Variants in FER1L5 observed in about 807,000 individuals in gnomAD.
FER1L5 encodes the protein fer-1 like family member 5, also known as fer-1-like protein 5.
A neutral mutation model predicts 279.9 loss-of-function variants in FER1L5; 187 were observed. The observed-to-expected ratio is 0.67, with a 90% CI of 0.59 to 0.75. The LOEUF is 0.75. Among genes scored for constraint, FER1L5 ranks in the 30% least tolerant of loss-of-function variants. The probability of loss-of-function intolerance (pLI) is 0.00; values close to 1 mark genes in which losing one functional copy is unlikely to be tolerated. For synonymous variants in FER1L5, 921 were observed against 989.7 expected (o/e 0.93, Z 1.30); for missense variants, 2,091 against 2,594.4 (o/e 0.81, Z 4.21).
At chr2:96,659,288 G>GCCTGC (rs879846869) in intron 9 of FER1L5, among the ~76,000 whole-genome samples, 3 of 100,186 alleles carry the variant, frequency 3.0e-5, no homozygotes, top group African/African-American at 1.3e-4. Flanking sequence ...AATTTATCAA[G>GCCTGC]CTTTCCTTCC....
intron 18 of FER1L5, among the ~76,000 whole-genome samples, chr2:96,671,577 T>C (rs2076331491): frequency 6.6e-6 from 1 of 152,220 alleles, no homozygotes; most frequent in African/African-American, 2.4e-5. Flanking sequence ...GACATCCACA[T>C]AGACCAGCTC....
In FER1L5 at chr2:96,687,827, T is replaced by G. The variant is rs1402415902; in HGVS notation, c.2241T>G (p.Gly747=). 1 of 1,550,538 alleles carries G rather than the reference T, an allele frequency of 6.4e-7. No homozygotes were observed. Among genetic ancestry groups the G allele is most frequent in the East Asian group, 2.4e-5 (1 of 40,870 alleles). The change falls in exon 24 of 53, where the codon GGT becomes GGG. Residue 747 remains glycine, a synonymous_variant. Transcript: ENST00000624922. ...GGCCTCTGGCTCAGTACCCAGAGGG[T>G]GAAGGACAGAAGGATGTGCTCCCAG... ...IQTLFLQYPE[G]EGQKDVLPAH... is the part of the protein sequence containing the mutation.
intron 4 of FER1L5, among the ~76,000 whole-genome samples, chr2:96,648,976 G>A (rs1359397275): frequency 6.7e-6 from 1 of 150,166 alleles, no homozygotes; most frequent in Non-Finnish European, 1.5e-5. Context: ...CCAGGCAGGG[G>A]CATAAAGTGG....
chr2:96,669,271 T>C (rs1481469873), intron 17 of FER1L5, 134 bp downstream of exon 17: 29 of 821,080 alleles, frequency 3.5e-5, no homozygotes, highest in Non-Finnish European at 5.2e-5. Context: ...ACGTGAAGCC[T>C]GTCCATGAGC....
rs909657551 is a variant in FER1L5 at position 96,693,447 on chromosome 2, G to A, written c.3293-59G>A. 2.0e-6 allele frequency: 3 copies of A among 1,472,584 alleles called. No individual in the cohort carries two copies. The African/African-American group carries it at 4.2e-5, about 21-fold the overall frequency. The allele number at this position is 1,472,584 out of a possible 1,614,324, so 91.2% of individuals were successfully genotyped here. A position where few individuals can be genotyped will look rare whatever the true frequency, so the allele number is the denominator to read the frequency against. On this transcript the variant is annotated intron_variant, in intron 31 of 52. Transcript: ENST00000624922. ...GGGTCCAGTGGCTGCAGCAGCAGAG[G>A]AGAGGAAAGCCCCTCTTCCCAGCTC...
chr2:96,695,227 C>A, intron 34 of FER1L5: 1 of 394,508 alleles, frequency 2.5e-6, no homozygotes, highest in East Asian at 4.7e-5. Flanking sequence ...GCAATGCCTG[C>A]GGGCTATGGA....
chr2:96,683,498 GC>G (rs1445870682), intron 19 of FER1L5, among the ~76,000 whole-genome samples: 1 of 151,130 alleles, frequency 6.6e-6, no homozygotes, highest in African/African-American at 2.4e-5. Context: ...CATCTGCAAA[GC>G]CCCCACCCCC....
Position 96,702,860 on chromosome 2 carries a change from C to T in FER1L5, c.5398-118C>T. ...TGTCCCAGAACATCAGAAACATGTC[C>T]TCAGGTGGAAACCCTCTTCCTTGAT... On this transcript the variant is annotated intron_variant, in intron 48 of 52. Transcript: ENST00000624922. This position sits in a 1 kb window ranked among gnomAD's most constrained non-coding sequence, Gnocchi z 4.0. 6.5e-7 allele frequency: 1 copy of T among 1,531,998 alleles called. No homozygotes were observed. The highest frequency in any genetic ancestry group is 8.8e-7 in the Non-Finnish European group (1 of 1,133,440). The allele number at this position is 1,531,998 out of a possible 1,614,324, so 94.9% of individuals were successfully genotyped here. A position where few individuals can be genotyped will look rare whatever the true frequency, so the allele number is the denominator to read the frequency against.
At position 96,689,301 on chromosome 2, in the gene FER1L5, C is replaced by A. The variant is rs1214868666; in HGVS notation, c.2450C>A (p.Thr817Asn). 3.9e-6 allele frequency: 6 copies of A among 1,550,366 alleles called. No individual in the cohort carries two copies. Among genetic ancestry groups the A allele is most frequent in the East Asian group, 2.4e-5 (1 of 40,874 alleles). ...PNFSDVMGNKTLPMTDFQPPL... is the reference protein window; with the variant it reads ...PNFSDVMGNKNLPMTDFQPPL... ...TTCTCGGATGTCATGGGGAACAAGACCCTCCCCATGACGGATTTCCAACCA... is the reference window on the plus strand; with the variant it reads ...TTCTCGGATGTCATGGGGAACAAGAACCTCCCCATGACGGATTTCCAACCA... Residue 817 changes from threonine to asparagine, a missense_variant, in exon 25 of 53, where the codon ACC becomes AAC. Thr to Asn is a moderately conservative substitution (Grantham distance 65, BLOSUM62 0). Coordinates refer to ENST00000624922, the MANE Select transcript of FER1L5 (RefSeq NM_001293083.2). This position sits in a 1 kb window ranked among gnomAD's most constrained non-coding sequence, Gnocchi z 4.6.
At chr2:96,663,562 A>G in intron 14 of FER1L5, 55 bp downstream of exon 14, 1 of 1,533,476 alleles carries the variant, frequency 6.5e-7, no homozygotes, top group South Asian at 1.2e-5. Context: ...CATAGAAGGG[A>G]AGTTTGGATG....
At chr2:96,690,651 G>A in intron 27 of FER1L5, 62 bp downstream of exon 27, 1 of 1,454,228 alleles carries the variant, frequency 6.9e-7, no homozygotes, top group East Asian at 2.5e-5. Context: ...ACGGCAGCCA[G>A]CAGGGTGGGA....
chr2:96,693,590 C>A lies in FER1L5; in HGVS notation c.3377C>A (p.Thr1126Lys). 1 of 1,551,708 alleles carries A rather than the reference C, an allele frequency of 6.4e-7. No homozygotes were observed. The highest frequency in any genetic ancestry group is 8.7e-7 in the Non-Finnish European group (1 of 1,146,990). ...TCTGCAGGCCCCACATGGGCCCAGA[C>A]ACTCATCTTCCAGCACCTCCTTCTG... Reference protein sequence around the residue: ...RSSAGPTWAQTLIFQHLLLYE... With the variant: ...RSSAGPTWAQKLIFQHLLLYE... Residue 1126 changes from threonine (T) to lysine (K), a missense_variant, in exon 32 of 53, where the codon ACA (threonine) becomes AAA (lysine). By Grantham distance (78) the Thr-to-Lys change is moderately conservative. Transcript: ENST00000624922.
rs747166341 is a variant in FER1L5, at chr2:96,695,668, G to A, written c.3894+7G>A. 3.2e-5 allele frequency: 51 copies of A among 1,604,414 alleles called. No homozygotes were observed. Among genetic ancestry groups the A allele is most frequent in the Non-Finnish European group, 3.9e-5 (46 of 1,174,888 alleles). ...TGTCCTAGTCCTCACAGTGGTAAGA[G>A]GCCCCAGGGCAGGGGCTGGGCAGCC... On this transcript the variant is annotated splice_region_variant and intron_variant, in intron 35 of 52. Transcript: ENST00000624922.
At chr2:96,665,232 C>T (rs1335370414) in intron 14 of FER1L5, among the ~76,000 whole-genome samples, 2 of 152,206 alleles carry the variant, frequency 1.3e-5, no homozygotes, top group East Asian at 3.8e-4. Context: ...GTGACATGGA[C>T]TTGGCAACCC....
At chr2:96,696,568 A>G (rs1261393094) in intron 37 of FER1L5, among the ~76,000 whole-genome samples, 3 of 152,054 alleles carry the variant, frequency 2.0e-5, no homozygotes, top group African/African-American at 7.2e-5. Context: ...TGTAGCAATT[A>G]CAGGCGTGAG....
At chr2:96,645,226 C>T (rs2075066209) in intron 1 of FER1L5, among the ~76,000 whole-genome samples, 1 of 152,190 alleles carries the variant, frequency 6.6e-6, no homozygotes. Context: ...TTACCTCTTG[C>T]TTACACAAGT....
intron 36 of FER1L5, 44 bp downstream of exon 36, chr2:96,695,948 G>A: frequency 4.4e-6 from 7 of 1,608,774 alleles, no homozygotes; most frequent in Non-Finnish European, 5.9e-6. Context: ...TCACAAGCGA[G>A]CCTGCACTGG....
At chr2:96,673,338 A>C in intron 19 of FER1L5, 84 bp downstream of exon 19, 226 of 1,350,910 alleles carry the variant, frequency 1.7e-4, no homozygotes, top group Non-Finnish European at 2.1e-4. Context: ...GTATTAGCTC[A>C]TGGAAGATTC....
chr2:96,700,700 C>T (rs2153309995), intron 45 of FER1L5, among the ~76,000 whole-genome samples: 1 of 152,310 alleles, frequency 6.6e-6, no homozygotes, highest in Non-Finnish European at 1.5e-5. Flanking sequence ...CTACAAGAAA[C>T]AGAGGCCATG....
Sources: allele counts gnomAD v4.1 joint callset (sites outside exome capture counted in the v4.1 genomes callset), GRCh38; gene constraint gnomAD v4.1.1; non-coding constraint Gnocchi (gnomAD v3.1); transcripts MANE v1.5; gene names NCBI Gene and HGNC (gene_info 2026-07-23, HGNC 2026-07-21).